Variants in LRRC4C observed in about 807,000 individuals in gnomAD.
The protein encoded by LRRC4C is leucine rich repeat containing 4C, also known as leucine-rich repeat-containing protein 4C.
In LRRC4C, 5 loss-of-function variants were observed where a neutral mutation model predicts 33.6. The observed-to-expected ratio is 0.15, with a 90% CI of 0.08 to 0.31. The LOEUF is 0.31. LRRC4C is among the 10% of genes least tolerant of loss of function. LRRC4C has a pLI of 1.00. For synonymous variants in LRRC4C, 329 were observed against 302.0 expected, an observed-to-expected ratio of 1.09 and a Z score of -0.93; for missense variants, 560 against 796.7, an observed-to-expected ratio of 0.70 and a Z score of 3.58.
chr11:41,094,900 AG>A (rs1940708532), intron 1 of LRRC4C, among the ~76,000 whole-genome samples: 1 of 152,180 alleles, frequency 6.6e-6, no homozygotes, highest in East Asian at 1.9e-4. Flanking sequence ...CTAAAAAGGT[AG>A]AGCTTAAAGA....
At chr11:40,535,972 A>G (rs1956454698) in intron 3 of LRRC4C, among the ~76,000 whole-genome samples, 1 of 152,208 alleles carries the variant, frequency 6.6e-6, no homozygotes, top group African/African-American at 2.4e-5. Context: ...TACTCTGGTC[A>G]CTTCATTTTT....
chr11:40,186,864 C>T (rs1861442691), intron 5 of LRRC4C, among the ~76,000 whole-genome samples: 1 of 152,298 alleles, frequency 6.6e-6, no homozygotes, highest in Non-Finnish European at 1.5e-5. Flanking sequence ...AATCCTCTCA[C>T]CCCTGTGCAC....
At chr11:41,111,340 T>C (rs1292045538) in intron 1 of LRRC4C, among the ~76,000 whole-genome samples, 2 of 151,996 alleles carry the variant, frequency 1.3e-5, no homozygotes, top group Non-Finnish European at 2.9e-5. Flanking sequence ...CCCAGTGACA[T>C]ACAAAAGGCA....
chr11:41,203,567 G>GCTA (rs2136276614), intron 1 of LRRC4C, among the ~76,000 whole-genome samples: 1 of 152,276 alleles, frequency 6.6e-6, no homozygotes, highest in East Asian at 1.9e-4. Context: ...TGTGGACTTA[G>GCTA]CTACTGCCAT....
intron 2 of LRRC4C, among the ~76,000 whole-genome samples, chr11:40,778,955 T>G (rs1253167058): frequency 2.6e-5 from 4 of 152,194 alleles, no homozygotes; most frequent in African/African-American, 9.6e-5. Context: ...TGCAGCATTT[T>G]AGGCAGGAGA....
intron 1 of LRRC4C, among the ~76,000 whole-genome samples, chr11:40,977,420 A>G (rs539555245): frequency 6.6e-6 from 1 of 152,258 alleles, no homozygotes; most frequent in Admixed American, 6.5e-5. Flanking sequence ...GATGTCCACT[A>G]AAAGATTTCT....
chr11:40,218,578 CTATGTATGTATGTATGTATGTATGTATG>C lies in LRRC4C; in HGVS notation c.-96+22913_-96+22940del, dbSNP rs71060947. On this transcript the variant is annotated intron_variant, in intron 5 of 6. Coordinates refer to ENST00000528697, the MANE Select transcript of LRRC4C (RefSeq NM_001258419.2). ...AATTGTGAAACTTGAGATGAAGAAT[CTATGTATGTATGTATGTATGTATGTATG>C]TATGTATGTATGTATGTATGTATGT... Among the ~76,000 whole-genome samples, 14 of 115,586 alleles carry C rather than the reference CTATGTATGTATGTATGTATGTATGTATG, an allele frequency of 1.2e-4. 2 individuals carry two copies. The highest frequency in any genetic ancestry group is 2.3e-4 in the Non-Finnish European group (12 of 53,144). 75.8% of individuals were successfully genotyped at this position (115,586 alleles called of 152,430 possible).
chr11:40,834,911 G>GACAGACAGAC lies in LRRC4C; in HGVS notation c.-407+98723_-407+98724insGTCTGTCTGT, dbSNP rs748483585. ...AGACAGACAGACAGACAGACAGACA[G>GACAGACAGAC]ACACACACACACACACACACACACA... On this transcript the variant is annotated intron_variant, in intron 2 of 6. Coordinates refer to ENST00000528697, the MANE Select transcript of LRRC4C (RefSeq NM_001258419.2). Among the ~76,000 whole-genome samples the GACAGACAGAC allele has an allele frequency of 1.0e-3, 86 of 84,926 alleles. 1 individual carries two copies. The highest frequency in any genetic ancestry group is 1.8e-3 in the Non-Finnish European group (69 of 38,428). The allele number at this position is 84,926 out of a possible 152,430, so 55.7% of individuals were successfully genotyped here. A position where few individuals can be genotyped will look rare whatever the true frequency, so the allele number is the denominator to read the frequency against.
intron 1 of LRRC4C, among the ~76,000 whole-genome samples, chr11:41,006,744 C>T (rs191845943): frequency 6.6e-6 from 1 of 152,056 alleles, no homozygotes; most frequent in African/African-American, 2.4e-5. Context: ...AAAGAAAAAG[C>T]TTCAAGGATT....
chr11:40,189,528 TA>T (rs1414697925), intron 5 of LRRC4C, among the ~76,000 whole-genome samples: 1 of 152,110 alleles, frequency 6.6e-6, no homozygotes, highest in African/African-American at 2.4e-5. Context: ...AACCCTTCTA[TA>T]AAAAGAAGTG....
chr11:40,886,766 A>T (rs1422340406), intron 2 of LRRC4C, among the ~76,000 whole-genome samples: 1 of 151,902 alleles, frequency 6.6e-6, no homozygotes, highest in Non-Finnish European at 1.5e-5. Flanking sequence ...ATAAACTGTA[A>T]CAAAAGTCTA....
chr11:40,136,557 T>A (rs1856995171), intron 6 of LRRC4C, among the ~76,000 whole-genome samples: 1 of 151,708 alleles, frequency 6.6e-6, no homozygotes, highest in Non-Finnish European at 1.5e-5. Context: ...ATTACAGGTG[T>A]GAGCCACCAC....
rs561387642 is a variant in LRRC4C at position 41,364,966 on chromosome 11, A to G, written c.-496+94465T>C. Among the ~76,000 whole-genome samples, 11 of 151,786 alleles carry G rather than the reference A, an allele frequency of 7.2e-5. No individual in the cohort carries two copies. The South Asian group carries it at 2.3e-3, about 31-fold the overall frequency. On this transcript the variant is annotated intron_variant, in intron 1 of 6. Transcript: ENST00000528697. Reference sequence around the variant, plus strand: ...TTTTGTCATTTAAAGCTGAAACACCATGGAGTGTGTGTGTGTGTGTGTGCA... The same window carrying G: ...TTTTGTCATTTAAAGCTGAAACACCGTGGAGTGTGTGTGTGTGTGTGTGCA...
At chr11:40,438,115 C>T (rs1306641273) in intron 3 of LRRC4C, among the ~76,000 whole-genome samples, 1 of 152,208 alleles carries the variant, frequency 6.6e-6, no homozygotes, top group African/African-American at 2.4e-5. Flanking sequence ...CTCCTGTCAG[C>T]ACACTGTGAT....
At chr11:40,442,047 C>T (rs1036248112) in intron 3 of LRRC4C, among the ~76,000 whole-genome samples, 28 of 150,274 alleles carry the variant, frequency 1.9e-4, no homozygotes, top group African/African-American at 6.6e-4. Flanking sequence ...ACTGTAGTCT[C>T]AGCTACTTGG....
At chr11:40,969,236 G>T (rs1817354) in intron 1 of LRRC4C, among the ~76,000 whole-genome samples, 35,701 of 151,968 alleles carry the variant, frequency 0.23, 4,550 homozygotes, top group Middle Eastern at 0.32. Flanking sequence ...TAATCAAATT[G>T]TTGCACTCTT....
chr11:40,213,142 G>C (rs1164337343), intron 5 of LRRC4C, among the ~76,000 whole-genome samples: 1 of 152,050 alleles, frequency 6.6e-6, no homozygotes, highest in Non-Finnish European at 1.5e-5. Context: ...ATGCAGCTGG[G>C]CCAATATTTT....
chr11:41,161,585 T>C (rs1400063677), intron 1 of LRRC4C, among the ~76,000 whole-genome samples: 2 of 152,204 alleles, frequency 1.3e-5, no homozygotes, highest in East Asian at 1.9e-4. Context: ...GTGCATGTCA[T>C]GGACACTTAG....
rs1348665227 is a variant in LRRC4C, at chr11:40,282,238, G to A, written c.-176+37390C>T. On this transcript the variant is annotated intron_variant, in intron 4 of 6. Transcript: ENST00000528697. ...CATGTGCCTGTAATCCCAGTTACTC[G>A]GGAGGCTGAGGCAGGAGAATCGCTT... Among the ~76,000 whole-genome samples, 8 of 152,028 alleles carry A rather than the reference G, an allele frequency of 5.3e-5. No individual in the cohort carries two copies. In the East Asian group the frequency reaches 9.7e-4, roughly 18 times the overall value.
Sources: gnomAD v4.1 joint callset for allele counts (sites outside exome capture counted in the v4.1 genomes callset) on GRCh38, gnomAD v4.1.1 for gene constraint, MANE v1.5 for transcripts, NCBI Gene and HGNC (gene_info 2026-07-23, HGNC 2026-07-21) for gene names.